The following SEPHS1 variants were observed in gnomAD, a reference collection of about 807,000 sequenced individuals.
SEPHS1 encodes zincore component SEPHS1.
In SEPHS1, 7 loss-of-function variants were observed where a neutral mutation model predicts 39.2. That is an observed-to-expected ratio of 0.18 (90% confidence interval 0.10 to 0.34). The LOEUF (loss-of-function observed/expected upper bound fraction) is 0.34. SEPHS1 is among the 10% of genes least tolerant of loss of function. The pLI is 1.00. For synonymous variants in SEPHS1, 190 were observed against 195.5 expected, an observed-to-expected ratio of 0.97 and a Z score of 0.23; for missense variants, 253 against 514.5, an observed-to-expected ratio of 0.49 and a Z score of 4.92.
In SEPHS1 at chr10:13,319,105, A is replaced by G. The variant is rs1004522092; in HGVS notation, c.*37T>C. On this transcript the variant is annotated 3_prime_UTR_variant, in exon 9 of 9. Transcript: ENST00000327347. ...TTGAAGTGATAAGGGAAATAGATCTATTTAAAAACAAAACCAAACAGCTAT... is the reference window on the plus strand; with the variant it reads ...TTGAAGTGATAAGGGAAATAGATCTGTTTAAAAACAAAACCAAACAGCTAT... 6.3e-7 allele frequency: 1 copy of G among 1,588,950 alleles called. No homozygotes were observed. Among genetic ancestry groups the G allele is most frequent in the Non-Finnish European group, 8.6e-7 (1 of 1,160,874 alleles).
chr10:13,328,338 C>A lies in SEPHS1; in HGVS notation c.751+13G>T, dbSNP rs760096376. 1 of 1,580,976 alleles carries A rather than the reference C, an allele frequency of 6.3e-7. No individual in the cohort carries two copies. Among genetic ancestry groups the A allele is most frequent in the Non-Finnish European group, 8.7e-7 (1 of 1,151,092 alleles). On this transcript the variant is annotated intron_variant, in intron 7 of 8. Transcript: ENST00000327347. ...GACCCCTGGGACCGAAGCGCCCTTC[C>A]CACCTGTCATACCTGTCCTGTTGAG...
rs1274393616 is a variant in SEPHS1 at position 13,344,934 on chromosome 10, G to A, written c.17C>T (p.Ser6Phe). 6.3e-7 allele frequency: 1 copy of A among 1,583,360 alleles called. No homozygotes were observed. Among genetic ancestry groups the A allele is most frequent in the Non-Finnish European group, 8.6e-7 (1 of 1,163,486 alleles). The change falls in exon 2 of 9, where the codon TCC (serine) becomes TTC (phenylalanine). Residue 6 changes from serine to phenylalanine, a missense_variant. Transcript: ENST00000327347. MSTRE[S>F]FNPESYELDK... The stretch of plus-strand genomic sequence containing the variant: ...CAATTCGTAACTTTCCGGGTTAAAG[G>A]ACTCCCGCGTAGACATGGTTCTTGG...
At chr10:13,321,809 C>A (rs895805404) in intron 8 of SEPHS1, among the ~76,000 whole-genome samples, 6 of 152,182 alleles carry the variant, frequency 3.9e-5, no homozygotes, top group Non-Finnish European at 5.9e-5. Flanking sequence ...GGCCGGCAGG[C>A]CATGCTGGAG....
intron 6 of SEPHS1, among the ~76,000 whole-genome samples, chr10:13,328,927 G>A (rs191107390): frequency 7.6e-4 from 115 of 152,292 alleles, no homozygotes; most frequent in African/African-American, 2.7e-3. Flanking sequence ...GCTAAAGAAC[G>A]TGGCAGCCTT....
In SEPHS1 at chr10:13,331,914, T is replaced by C. The variant is rs77487442; in HGVS notation, c.560+1903A>G. On this transcript the variant is annotated intron_variant, in intron 5 of 8. Transcript: ENST00000327347. The stretch of plus-strand genomic sequence containing the variant: ...AGGAAAACAAGTACTGGAGGGGTCA[T>C]AGAGAAATTGGAATCCTCATACATT... Among the ~76,000 whole-genome samples, 1,416 of 152,286 alleles carry C rather than the reference T, an allele frequency of 9.3e-3. 31 individuals carry two copies. Among genetic ancestry groups the C allele is most frequent in the African/African-American group, 0.033 (1,352 of 41,552 alleles).
At position 13,333,686 on chromosome 10, in the gene SEPHS1, C is replaced by T. The variant is rs1218309912; in HGVS notation, c.560+131G>A. On this transcript the variant is annotated intron_variant, in intron 5 of 8. Coordinates refer to ENST00000327347, the MANE Select transcript of SEPHS1 (RefSeq NM_012247.5). ...AAACTCCTGACCTCAGGTGATCTGCCCGCCTCGGCCTACCAAAGTCTGGGA... is the reference window on the plus strand; with the variant it reads ...AAACTCCTGACCTCAGGTGATCTGCTCGCCTCGGCCTACCAAAGTCTGGGA... 4 of 866,738 alleles carry T rather than the reference C, an allele frequency of 4.6e-6. No individual in the cohort carries two copies. In the East Asian group the frequency reaches 8.3e-5, roughly 18 times the overall value. 53.7% of individuals were successfully genotyped at this position (866,738 alleles called of 1,614,324 possible).
intron 1 of SEPHS1, among the ~76,000 whole-genome samples, chr10:13,346,374 T>C (rs1042928952): frequency 6.6e-6 from 1 of 152,216 alleles, no homozygotes; most frequent in Non-Finnish European, 1.5e-5. Context: ...TATAGAGTTT[T>C]CCATCCCTTG....
intron 2 of SEPHS1, among the ~76,000 whole-genome samples, chr10:13,343,064 G>C (rs1273638218): frequency 6.6e-6 from 1 of 152,126 alleles, no homozygotes; most frequent in Non-Finnish European, 1.5e-5. Flanking sequence ...TTATAGATTA[G>C]GAAGCTGAGG....
intron 7 of SEPHS1, among the ~76,000 whole-genome samples, chr10:13,326,809 AG>A (rs1172013002): frequency 6.6e-6 from 1 of 152,204 alleles, no homozygotes; most frequent in Non-Finnish European, 1.5e-5. Flanking sequence ...GCTGGATTAT[AG>A]GTGTGAGCCA....
At chr10:13,338,846 C>T (rs550354793) in intron 2 of SEPHS1, 38 bp from the exon 3 acceptor site, 27 of 1,466,290 alleles carry the variant, frequency 1.8e-5, no homozygotes, top group Middle Eastern at 1.7e-4. Context: ...AAAAATAAAA[C>T]GGGAAAGCCA....
intron 2 of SEPHS1, among the ~76,000 whole-genome samples, chr10:13,339,877 T>C (rs944014924): frequency 3.3e-5 from 5 of 152,208 alleles, no homozygotes; most frequent in Non-Finnish European, 5.9e-5. Context: ...ATCCACTTCT[T>C]TCCCTGCATA....
intron 1 of SEPHS1, among the ~76,000 whole-genome samples, chr10:13,347,790 G>A (rs1283168614): frequency 1.4e-5 from 2 of 140,086 alleles, no homozygotes; most frequent in African/African-American, 5.1e-5. Context: ...CGCGGCGGCG[G>A]CGGCGGCGCG....
intron 5 of SEPHS1, among the ~76,000 whole-genome samples, chr10:13,333,453 T>G (rs543675288): frequency 5.0e-4 from 75 of 151,212 alleles, no homozygotes; most frequent in African/African-American, 1.7e-3. Context: ...GTCTTTTTTT[T>G]TTTTGGAGAC....
chr10:13,334,589 G>C (rs966049334), intron 4 of SEPHS1, among the ~76,000 whole-genome samples: 3 of 151,776 alleles, frequency 2.0e-5, no homozygotes, highest in African/African-American at 7.3e-5. Flanking sequence ...ATGTGCCTGT[G>C]GTCCCAGCTA....
At chr10:13,328,876 T>A (rs1421089690) in intron 6 of SEPHS1, among the ~76,000 whole-genome samples, 1 of 152,178 alleles carries the variant, frequency 6.6e-6, no homozygotes, top group East Asian at 1.9e-4. Flanking sequence ...CGCAGTGGCC[T>A]TCTGCTCTGC....
At chr10:13,336,943 G>A (rs527633497) in intron 3 of SEPHS1, among the ~76,000 whole-genome samples, 6 of 152,306 alleles carry the variant, frequency 3.9e-5, no homozygotes, top group African/African-American at 1.4e-4. Context: ...TTGAGGCCAG[G>A]AGTTAAAGAC....
intron 1 of SEPHS1, 123 bp from the exon 2 acceptor site, chr10:13,345,151 T>G (rs1272443140): frequency 1.6e-5 from 7 of 438,002 alleles, no homozygotes; most frequent in African/African-American, 1.4e-4. Flanking sequence ...TCAAGACCAC[T>G]TATATTCACC....
At chr10:13,334,953 A>G (rs535744005) in intron 4 of SEPHS1, among the ~76,000 whole-genome samples, 32 of 152,262 alleles carry the variant, frequency 2.1e-4, no homozygotes, top group African/African-American at 5.8e-4. Flanking sequence ...CATCCATCCT[A>G]CCAAGGCTTG....
rs1254477540 is a variant in SEPHS1, at chr10:13,319,034, C to A, written c.*108G>T. The A allele has an allele frequency of 9.0e-7, 1 of 1,113,048 alleles. No individual in the cohort carries two copies. Among genetic ancestry groups the A allele is most frequent in the Non-Finnish European group, 1.3e-6 (1 of 756,732 alleles). The allele number at this position is 1,113,048 out of a possible 1,614,324, so 68.9% of individuals were successfully genotyped here. A position where few individuals can be genotyped will look rare whatever the true frequency, so the allele number is the denominator to read the frequency against. On this transcript the variant is annotated 3_prime_UTR_variant, in exon 9 of 9. Coordinates refer to ENST00000327347, the MANE Select transcript of SEPHS1 (RefSeq NM_012247.5). Reference sequence around the variant, plus strand: ...CACTTACAAACCGACCTAAGGTCACCCCGATGTGTAGACACAATGAGATTT... The same window carrying A: ...CACTTACAAACCGACCTAAGGTCACACCGATGTGTAGACACAATGAGATTT...
Sources: allele counts gnomAD v4.1 joint callset (sites outside exome capture counted in the v4.1 genomes callset), GRCh38; gene constraint gnomAD v4.1.1; transcripts MANE v1.5; gene names NCBI Gene and HGNC (gene_info 2026-07-23, HGNC 2026-07-21).